The following NLRP5 variants were observed in gnomAD, a reference collection of about 807,000 sequenced individuals.
NLRP5 encodes the protein NLR family pyrin domain containing 5, also known as NACHT, LRR and PYD domains-containing protein 5.
In NLRP5, 93 loss-of-function variants were observed where a neutral mutation model predicts 113.1. That is an observed-to-expected ratio of 0.82 (90% CI 0.70 to 0.98). The LOEUF (loss-of-function observed/expected upper bound fraction) is 0.98. Among genes scored for constraint, NLRP5 ranks in the 50% least tolerant of loss-of-function variants. The probability of loss-of-function intolerance (pLI) is 0.00; values close to 1 mark genes in which losing one functional copy is unlikely to be tolerated. For synonymous variants in NLRP5, 751 were observed against 600.7 expected, an observed-to-expected ratio of 1.25 and a Z score of -3.66; for missense variants, 1,808 against 1,514.3, an observed-to-expected ratio of 1.19 and a Z score of -3.22.
chr19:56,016,680 A>T (rs3097879), intron 4 of NLRP5, among the ~76,000 whole-genome samples: 80,136 of 151,930 alleles, frequency 0.53, 21,374 homozygotes, highest in African/African-American at 0.61. Context: ...TTTAGATTCC[A>T]CGTGTCAGAT....
At chr19:56,043,543 T>C (rs975978786) in intron 11 of NLRP5, among the ~76,000 whole-genome samples, 2,006 of 9,900 alleles carry the variant, frequency 0.2, 75 homozygotes, top group African/African-American at 0.33. Flanking sequence ...TCTGCTATTC[T>C]TTTTTTTTTT....
At chr19:55,996,946 C>A (rs1599872061), upstream of NLRP5, among the ~76,000 whole-genome samples, 1 of 152,108 alleles carries the variant, frequency 6.6e-6, no homozygotes. Context: ...GTTTACAGTC[C>A]CACCAACAGC....
chr19:56,001,560 G>T (rs1222011112), intron 1 of NLRP5, among the ~76,000 whole-genome samples: 1 of 152,026 alleles, frequency 6.6e-6, no homozygotes, highest in African/African-American at 2.4e-5. Flanking sequence ...GAAAGACGGG[G>T]GCTAAATACT....
chr19:55,990,109 A>T, the NLRP5 span, among the ~76,000 whole-genome samples: 6 of 33,670 alleles, frequency 1.8e-4, no homozygotes, highest in Admixed American at 1.3e-3. Flanking sequence ...TTTTTTTTTG[A>T]GACAGTGTCT....
chr19:56,061,258 G>A, intron 14 of NLRP5, 138 bp from the exon 15 acceptor site: 1 of 785,582 alleles, frequency 1.3e-6, no homozygotes, highest in Non-Finnish European at 1.9e-6. Flanking sequence ...GTTAGTCATT[G>A]GTTTAACTCT....
intron 11 of NLRP5, among the ~76,000 whole-genome samples, chr19:56,045,631 A>T (rs1369772720): frequency 6.6e-6 from 1 of 151,444 alleles, no homozygotes; most frequent in Non-Finnish European, 1.5e-5. Context: ...TTCAATTCCC[A>T]CCTATGAGTT....
Position 56,003,835 on chromosome 19 carries a change from C to G in NLRP5, c.182C>G (p.Ser61Cys). 1 of 1,613,970 alleles carries G rather than the reference C, an allele frequency of 6.2e-7. No individual in the cohort carries two copies. Among genetic ancestry groups the G allele is most frequent in the Non-Finnish European group, 8.5e-7 (1 of 1,179,882 alleles). The change falls in exon 2 of 15, where the codon TCC becomes TGC. Residue 61 changes from serine to cysteine, a missense_variant. By Grantham distance (112) the Ser-to-Cys change is moderately radical. Transcript: ENST00000390649. ...GAAGGAGACAAATCGCTCACCTTTTCCAGCTACGGGCTGCAATGGTGTCTC... is the reference window on the plus strand; with the variant it reads ...GAAGGAGACAAATCGCTCACCTTTTGCAGCTACGGGCTGCAATGGTGTCTC...
At chr19:56,058,931 C>T (rs1599916906) in intron 14 of NLRP5, among the ~76,000 whole-genome samples, 1 of 152,152 alleles carries the variant, frequency 6.6e-6, no homozygotes, top group African/African-American at 2.4e-5. Flanking sequence ...GGAATCTTGA[C>T]ATGCCGAGTG....
intron 2 of NLRP5, among the ~76,000 whole-genome samples, chr19:56,007,083 C>T (rs1342452522): frequency 6.6e-6 from 1 of 151,356 alleles, no homozygotes; most frequent in East Asian, 1.9e-4. Flanking sequence ...TGTCTTATGG[C>T]TGGGCACCGT....
chr19:56,001,344 A>AAG (rs1267935777), intron 1 of NLRP5, among the ~76,000 whole-genome samples: 1 of 151,298 alleles, frequency 6.6e-6, no homozygotes, highest in East Asian at 1.9e-4. Flanking sequence ...AACAAACAAA[A>AAG]AACACCACAG....
At chr19:55,995,337 A>G (rs1981291153), upstream of NLRP5, among the ~76,000 whole-genome samples, 1 of 152,210 alleles carries the variant, frequency 6.6e-6, no homozygotes, top group South Asian at 2.1e-4. Context: ...GTGCACATGT[A>G]CCCTAGAACT....
Position 56,031,466 on chromosome 19 carries a change from TAAA to T in NLRP5, c.2277-1140_2277-1138del, listed in dbSNP as rs892558496. 1.4e-3 allele frequency among the ~76,000 whole-genome samples: 212 copies of T among 151,602 alleles called. 1 individual carries two copies. Among genetic ancestry groups the T allele is most frequent in the African/African-American group, 4.9e-3 (202 of 41,336 alleles). ...CAACATGGTGAAACCCCATCTCTAC[TAAA>T]AAAATACAAAAATTAGCCAGGCATG... On this transcript the variant is annotated intron_variant, in intron 7 of 14. Transcript: ENST00000390649.
At chr19:56,036,958 AAATAAT>A (rs1282767701) in intron 9 of NLRP5, among the ~76,000 whole-genome samples, 1 of 152,130 alleles carries the variant, frequency 6.6e-6, no homozygotes, top group African/African-American at 2.4e-5. Flanking sequence ...CTGTCTCAAA[AAATAAT>A]AATAATAAAA....
chr19:56,005,116 A>T (rs1981811760), intron 2 of NLRP5, among the ~76,000 whole-genome samples: 1 of 144,808 alleles, frequency 6.9e-6, no homozygotes, highest in Non-Finnish European at 1.5e-5. Context: ...AAATATATAT[A>T]TATATATATA....
At chr19:55,989,942 G>C in the NLRP5 span, among the ~76,000 whole-genome samples, 17 of 152,200 alleles carry the variant, frequency 1.1e-4, no homozygotes, top group African/African-American at 4.1e-4. Flanking sequence ...TCACAAAGCA[G>C]CGTCCAGTCA....
At chr19:56,030,027 C>T (rs569634224) in intron 7 of NLRP5, among the ~76,000 whole-genome samples, 3 of 151,486 alleles carry the variant, frequency 2.0e-5, no homozygotes, top group Non-Finnish European at 2.9e-5. Context: ...TGCACTCCAG[C>T]CTGGGCAACA....
chr19:56,008,875 G>GA (rs765229001), intron 3 of NLRP5, 22 bp downstream of exon 3: 2 of 1,605,156 alleles, frequency 1.2e-6, no homozygotes, highest in South Asian at 1.1e-5. Context: ...GGAGTTGGGG[G>GA]AAATAGGATG....
At chr19:56,014,277 C>G (rs1288791414) in intron 3 of NLRP5, among the ~76,000 whole-genome samples, 2 of 151,962 alleles carry the variant, frequency 1.3e-5, no homozygotes, top group African/African-American at 4.8e-5. Context: ...TCAGGATATC[C>G]AGACCCTCCT....
chr19:56,038,731 C>T (rs1983409981), intron 10 of NLRP5, among the ~76,000 whole-genome samples: 1 of 152,146 alleles, frequency 6.6e-6, no homozygotes, highest in South Asian at 2.1e-4. Flanking sequence ...GGGATGAACC[C>T]AGGCCTGTGT....
Sources: gnomAD v4.1 joint callset for allele counts (sites outside exome capture counted in the v4.1 genomes callset) on GRCh38, gnomAD v4.1.1 for gene constraint, MANE v1.5 for transcripts, NCBI Gene and HGNC (gene_info 2026-07-23, HGNC 2026-07-21) for gene names.